The following GFRAL variants were observed in gnomAD, a reference collection of about 807,000 sequenced individuals.
The protein encoded by GFRAL is GDNF family receptor alpha like.
Under a neutral mutation model 45.4 loss-of-function variants are expected in GFRAL, and 36 were observed. The observed-to-expected ratio is 0.79, with a 90% CI of 0.61 to 1.05. The LOEUF (loss-of-function observed/expected upper bound fraction) is 1.05, where lower values mean the gene tolerates loss of function less well. Among genes scored for constraint, GFRAL ranks in the 50% least tolerant of loss-of-function variants. The pLI is 0.00. For missense variants in GFRAL, 507 were observed against 467.5 expected, an observed-to-expected ratio of 1.08 and a Z score of -0.78; for synonymous variants, 166 against 154.1, an observed-to-expected ratio of 1.08 and a Z score of -0.57.
At chr6:55,365,379 C>G in intron 6 of GFRAL, among the ~76,000 whole-genome samples, 1 of 130,484 alleles carries the variant, frequency 7.7e-6, no homozygotes, top group Non-Finnish European at 1.6e-5. Flanking sequence ...ATCATGTCAT[C>G]TGCAAACAGG....
chr6:55,352,718 A>G (rs12528560), intron 5 of GFRAL, among the ~76,000 whole-genome samples: 6,132 of 152,172 alleles, frequency 0.04, 820 homozygotes, highest in East Asian at 0.35. Flanking sequence ...GATGCTCTAT[A>G]CAAGTAGGAT....
At chr6:55,357,051 G>GA (rs1238434795) in intron 5 of GFRAL, among the ~76,000 whole-genome samples, 1 of 151,810 alleles carries the variant, frequency 6.6e-6, no homozygotes, top group African/African-American at 2.4e-5. Context: ...TGTCATCAGA[G>GA]AAAATACTTG....
intron 6 of GFRAL, among the ~76,000 whole-genome samples, chr6:55,394,722 T>C (rs1479548714): frequency 6.6e-6 from 1 of 152,072 alleles, no homozygotes; most frequent in Non-Finnish European, 1.5e-5. Context: ...AAATGGTTCC[T>C]GAGTCGTCAG....
intron 6 of GFRAL, among the ~76,000 whole-genome samples, chr6:55,378,728 C>T (rs1768567411): frequency 6.6e-6 from 1 of 151,726 alleles, no homozygotes; most frequent in Non-Finnish European, 1.5e-5. Flanking sequence ...AGCAATTTAC[C>T]ACTGACCATG....
chr6:55,361,436 A>C (rs565047219), intron 6 of GFRAL, among the ~76,000 whole-genome samples: 4 of 152,218 alleles, frequency 2.6e-5, no homozygotes, highest in African/African-American at 7.2e-5. Flanking sequence ...TATCTAATAC[A>C]TGATTTACAT....
At chr6:55,399,973 T>C (rs1458145132) in intron 8 of GFRAL, among the ~76,000 whole-genome samples, 1 of 152,154 alleles carries the variant, frequency 6.6e-6, no homozygotes, top group Non-Finnish European at 1.5e-5. Flanking sequence ...CTGACATTAA[T>C]TTATTCTCCA....
At chr6:55,369,101 G>A (rs536789627) in intron 6 of GFRAL, among the ~76,000 whole-genome samples, 1 of 151,420 alleles carries the variant, frequency 6.6e-6, no homozygotes, top group East Asian at 1.9e-4. Flanking sequence ...GAGACTCCGT[G>A]GGCGTAGGAC....
intron 3 of GFRAL, among the ~76,000 whole-genome samples, chr6:55,340,904 G>A (rs980513271): frequency 4.5e-4 from 68 of 152,310 alleles, no homozygotes; most frequent in African/African-American, 1.5e-3. Context: ...AGGGTCCCAC[G>A]CCCATGGAGC....
intron 5 of GFRAL, among the ~76,000 whole-genome samples, chr6:55,355,569 A>C (rs1339560656): frequency 6.6e-6 from 1 of 152,020 alleles, no homozygotes; most frequent in Non-Finnish European, 1.5e-5. Flanking sequence ...TTTGTATGTT[A>C]ATTTTATATC....
chr6:55,343,767 T>C (rs910967654), intron 3 of GFRAL, among the ~76,000 whole-genome samples: 2 of 151,644 alleles, frequency 1.3e-5, no homozygotes, highest in African/African-American at 4.9e-5. Flanking sequence ...TCAACAAAAT[T>C]GACAGACTGC....
rs541375958 is a variant in GFRAL, at chr6:55,365,066, C to G, written c.952+5928C>G. On this transcript the variant is annotated intron_variant, in intron 6 of 8. Transcript: ENST00000340465. ...TTTCACAATATTGATTCTTCCTACC[C>G]ATGAGCATGGAATGTTCTTCCATTT... Among the ~76,000 whole-genome samples the G allele has an allele frequency of 2.1e-3, 323 of 151,252 alleles. 3 individuals are homozygous for G. Among genetic ancestry groups the G allele is most frequent in the Non-Finnish European group, 3.8e-3 (259 of 67,798 alleles).
intron 6 of GFRAL, among the ~76,000 whole-genome samples, chr6:55,372,747 C>T (rs1331999905): frequency 6.6e-6 from 1 of 152,144 alleles, no homozygotes; most frequent in Non-Finnish European, 1.5e-5. Context: ...TATAGTCTAG[C>T]TTTGTGCCAG....
intron 6 of GFRAL, among the ~76,000 whole-genome samples, chr6:55,384,511 G>A (rs1768654967): frequency 6.6e-6 from 1 of 152,052 alleles, no homozygotes; most frequent in African/African-American, 2.4e-5. Flanking sequence ...ACAGATAAAA[G>A]TCAAGAGTCA....
chr6:55,339,090 A>G (rs993564935), intron 3 of GFRAL, among the ~76,000 whole-genome samples: 2 of 152,188 alleles, frequency 1.3e-5, no homozygotes, highest in Admixed American at 1.3e-4. Context: ...ATTATAATAA[A>G]ATATATACTT....
intron 2 of GFRAL, among the ~76,000 whole-genome samples, chr6:55,332,941 T>C (rs1036601206): frequency 6.6e-6 from 1 of 152,060 alleles, no homozygotes; most frequent in Non-Finnish European, 1.5e-5. Context: ...TACAGCATAA[T>C]CTATACAGAT....
intron 6 of GFRAL, among the ~76,000 whole-genome samples, chr6:55,376,258 G>A (rs1768533289): frequency 6.6e-6 from 1 of 152,028 alleles, no homozygotes; most frequent in African/African-American, 2.4e-5. Context: ...GATTCGGTTT[G>A]CCAATATTTA....
At chr6:55,343,267 A>G (rs1007690408) in intron 3 of GFRAL, among the ~76,000 whole-genome samples, 9 of 152,202 alleles carry the variant, frequency 5.9e-5, no homozygotes, top group African/African-American at 2.2e-4. Flanking sequence ...AATTGACCAC[A>G]TAGTTGGAAG....
chr6:55,368,179 C>A (rs1483771041), intron 6 of GFRAL, among the ~76,000 whole-genome samples: 20 of 151,974 alleles, frequency 1.3e-4, no homozygotes, highest in African/African-American at 4.8e-4. Context: ...CTTCTCACTT[C>A]ATTTCATTCA....
chr6:55,378,167 A>C, intron 6 of GFRAL, among the ~76,000 whole-genome samples: 1 of 152,042 alleles, frequency 6.6e-6, no homozygotes, highest in Non-Finnish European at 1.5e-5. Context: ...AAGTACTGGG[A>C]AAAGAAAAAT....
Sources: allele counts gnomAD v4.1 joint callset (sites outside exome capture counted in the v4.1 genomes callset), GRCh38; gene constraint gnomAD v4.1.1; transcripts MANE v1.5; gene names NCBI Gene and HGNC (gene_info 2026-07-23, HGNC 2026-07-21).